The following XRCC1 variants were observed in gnomAD, a reference collection of about 807,000 sequenced individuals.
XRCC1 encodes the protein X-ray repair cross complementing 1.
In XRCC1, 52 loss-of-function variants were observed where a neutral mutation model predicts 83.3. The observed-to-expected ratio is 0.62, with a 90% CI of 0.50 to 0.79. The LOEUF (loss-of-function observed/expected upper bound fraction) is 0.79, where lower values mean the gene tolerates loss of function less well. Among genes scored for constraint, XRCC1 ranks in the 30% least tolerant of loss-of-function variants. XRCC1 has a pLI of 0.00. For missense variants in XRCC1, 793 were observed against 823.5 expected (o/e 0.96, Z 0.45); for synonymous variants, 281 against 312.6 (o/e 0.90, Z 1.07).
Position 43,561,039 on chromosome 19 carries a change from G to A in XRCC1, c.145-19C>T, listed in dbSNP as rs1213254350. 11 of 1,584,360 alleles carry A rather than the reference G, an allele frequency of 6.9e-6. No homozygotes were observed. The highest frequency in any genetic ancestry group is 9.5e-6 in the Non-Finnish European group (11 of 1,153,072). On this transcript the variant is annotated intron_variant, in intron 2 of 16. Coordinates refer to ENST00000262887, the MANE Select transcript of XRCC1 (RefSeq NM_006297.3). ...TCTCCAACTGTGGGCAGAGAGAGAG[G>A]CCACTGTCAGTGCCTGCTCTGCCTC...
chr19:43,546,708 T>C lies in XRCC1; in HGVS notation c.1313A>G (p.Lys438Arg), dbSNP rs771744315. Residue 438 changes from lysine to arginine, a missense_variant, in exon 12 of 17, where the codon AAG becomes AGG. By Grantham distance (26) the Lys-to-Arg change is conservative (BLOSUM62 2). Transcript: ENST00000262887. ...GCTGGGTCCAGCTGCCTGAGTGGGC[T>C]TGGTTTTGGTCTGGGGTTGCTAAGG... The part of the protein sequence containing the change: ...LPQKQPQTKT[K>R]PTQAAGPSSP... 5 of 1,609,362 alleles carry C rather than the reference T, an allele frequency of 3.1e-6. No homozygotes were observed. In the East Asian group the frequency reaches 8.9e-5, roughly 29 times the overall value.
chr19:43,552,796 C>A lies in XRCC1; in HGVS notation c.823+1G>T. 6.2e-7 allele frequency: 1 copy of A among 1,602,464 alleles called. No individual in the cohort carries two copies. Among genetic ancestry groups the A allele is most frequent in the Non-Finnish European group, 8.5e-7 (1 of 1,175,464 alleles). ...GGAAACAAGGGATCTAGTTAGCTCA[C>A]ATTTAGGTCTCTTGGGAACAGATGG... On this transcript the variant is annotated splice_donor_variant, in intron 8 of 16. Coordinates refer to ENST00000262887, the MANE Select transcript of XRCC1 (RefSeq NM_006297.3). LOFTEE classifies it high-confidence loss of function.
At chr19:43,544,022 G>C (rs1338468230) in intron 15 of XRCC1, 122 bp downstream of exon 15, 5 of 980,652 alleles carry the variant, frequency 5.1e-6, no homozygotes, top group Non-Finnish European at 7.6e-6. Flanking sequence ...CCACCTGCTG[G>C]GCATGGCCCT....
Position 43,553,605 on chromosome 19 carries a change from T to C in XRCC1, c.489+4A>G, listed in dbSNP as rs746971497. The C allele has an allele frequency of 3.7e-6, 6 of 1,602,300 alleles. No homozygotes were observed. Among genetic ancestry groups the C allele is most frequent in the Admixed American group, 3.4e-5 (2 of 59,622 alleles). On this transcript the variant is annotated splice_donor_region_variant and intron_variant, in intron 5 of 16. Transcript: ENST00000262887. ...GGCCATGGGGAGTGACAGGTACAGC[T>C]TACCTGGGACGGGGCCTCTGCCTCA...
chr19:43,544,839 G>GTTT (rs1972492357), intron 14 of XRCC1, among the ~76,000 whole-genome samples: 1 of 139,196 alleles, frequency 7.2e-6, no homozygotes, highest in Non-Finnish European at 1.6e-5. Flanking sequence ...TAAAGGCGGG[G>GTTT]GTCGGGGGGG....
chr19:43,563,160 G>C (rs1040857641), intron 2 of XRCC1, among the ~76,000 whole-genome samples: 1 of 152,160 alleles, frequency 6.6e-6, no homozygotes, highest in African/African-American at 2.4e-5. Flanking sequence ...CCTGGGCCCT[G>C]GGCAGTGTAC....
At chr19:43,554,968 G>T in intron 3 of XRCC1, 164 bp from the exon 4 acceptor site, 1 of 684,356 alleles carries the variant, frequency 1.5e-6, no homozygotes, top group Non-Finnish European at 2.3e-6. Flanking sequence ...TAGGCCTTGA[G>T]TCAGTCCTGC....
At chr19:43,560,871 C>G (rs781775270) in intron 3 of XRCC1, 39 bp downstream of exon 3, 9 of 1,528,450 alleles carry the variant, frequency 5.9e-6, no homozygotes, top group South Asian at 1.1e-5. Context: ...GCATGAGGGG[C>G]AGAGGTCAGT....
intron 2 of XRCC1, 71 bp from the exon 3 acceptor site, chr19:43,561,091 AATCTCCTTTGG>A: frequency 8.1e-7 from 1 of 1,236,662 alleles, no homozygotes; most frequent in South Asian, 1.2e-5. Context: ...CCTCAGGATG[AATCTCCTTTGG>A]ATCACCATGT....
In XRCC1 at chr19:43,575,106, C is replaced by G. The variant is rs1029206153; in HGVS notation, c.52-104G>C. ...GTCCTCCCAAGGCCTCTACGACCCC[C>G]AGATTTAAGCTCTCCCGTTAATCCC... On this transcript the variant is annotated intron_variant, in intron 1 of 16. Coordinates refer to ENST00000262887, the MANE Select transcript of XRCC1 (RefSeq NM_006297.3). 3 of 931,000 alleles carry G rather than the reference C, an allele frequency of 3.2e-6. No homozygotes were observed. The East Asian group carries it at 7.8e-5, about 24-fold the overall frequency. The allele number at this position is 931,000 out of a possible 1,614,324, so 57.7% of individuals were successfully genotyped here.
intron 12 of XRCC1, 53 bp downstream of exon 12, chr19:43,546,542 C>T: frequency 6.4e-7 from 1 of 1,564,408 alleles, no homozygotes; most frequent in Non-Finnish European, 8.6e-7. Context: ...GCAGGCCCTC[C>T]TCCCTCAGAC....
intron 9 of XRCC1, 25 bp from the exon 10 acceptor site, chr19:43,551,712 G>T: frequency 6.3e-7 from 1 of 1,583,304 alleles, no homozygotes; most frequent in Non-Finnish European, 8.7e-7. Context: ...AAGTGAAGAT[G>T]CCAGTTAGGT....
chr19:43,545,800 G>A lies in XRCC1; in HGVS notation c.1621+18C>T. The A allele has an allele frequency of 6.2e-7, 1 of 1,612,974 alleles. No individual in the cohort carries two copies. Among genetic ancestry groups the A allele is most frequent in the Non-Finnish European group, 8.5e-7 (1 of 1,179,360 alleles). ...GAAGAGAAAATGCCACTTCAGGAGG[G>A]ATGGGGGGATTTCCCACCTGGGAGC... On this transcript the variant is annotated intron_variant, in intron 14 of 16. Transcript: ENST00000262887.
At chr19:43,554,382 C>T (rs768839570) in intron 4 of XRCC1, among the ~76,000 whole-genome samples, 3 of 152,188 alleles carry the variant, frequency 2.0e-5, no homozygotes, top group Admixed American at 6.5e-5. Context: ...TACTAGGCCA[C>T]CTCTCTAACA....
rs567686495 is a variant in XRCC1 at position 43,574,968 on chromosome 19, G to C, written c.86C>G (p.Thr29Ser). The C allele has an allele frequency of 1.9e-6, 3 of 1,614,070 alleles. No homozygotes were observed. The highest frequency in any genetic ancestry group is 1.7e-6 in the Non-Finnish European group (2 of 1,180,038). ...CTTGGCTGCCCGCCATTTTCGGTAAGTGTCTGCCTTGAGAAGATTTTCTGC... is the reference window on the plus strand; with the variant it reads ...CTTGGCTGCCCGCCATTTTCGGTAACTGTCTGCCTTGAGAAGATTTTCTGC... Reference protein sequence around the residue: ...HCAENLLKADTYRKWRAAKAG... With the variant: ...HCAENLLKADSYRKWRAAKAG... Residue 29 changes from threonine to serine, a missense_variant, in exon 2 of 17, where the codon ACT becomes AGT. Transcript: ENST00000262887.
At chr19:43,566,952 T>C (rs965024761) in intron 2 of XRCC1, among the ~76,000 whole-genome samples, 1 of 151,096 alleles carries the variant, frequency 6.6e-6, no homozygotes, top group Non-Finnish European at 1.5e-5. Context: ...GATGAATAGA[T>C]AAACATTGTA....
intron 2 of XRCC1, among the ~76,000 whole-genome samples, chr19:43,568,667 G>C (rs779035504): frequency 4.6e-5 from 7 of 151,120 alleles, no homozygotes; most frequent in Non-Finnish European, 1.0e-4. Flanking sequence ...ATATATGCTT[G>C]TATGTGTACA....
Position 43,543,410 on chromosome 19 carries a change from C to T in XRCC1, c.1884G>A (p.Gly628=), listed in dbSNP as rs1275214192. 5 of 1,609,388 alleles carry T rather than the reference C, an allele frequency of 3.1e-6. No individual in the cohort carries two copies. The highest frequency in any genetic ancestry group is 2.2e-5 in the East Asian group (1 of 44,788). Residue 628 remains glycine (G), a synonymous_variant, in exon 17 of 17, where the codon GGG becomes GGA. Transcript: ENST00000262887. Reference sequence around the variant, plus strand: ...ACATACTTCAGGCTTGCGGCACCACCCCATAGAGCTGGTGAGGAAGTAACT... The same window carrying T: ...ACATACTTCAGGCTTGCGGCACCACTCCATAGAGCTGGTGAGGAAGTAACT... The part of the protein sequence containing the change: ...KQKLLPHQLY[G]VVPQA
intron 2 of XRCC1, among the ~76,000 whole-genome samples, chr19:43,569,651 G>A (rs1326066774): frequency 6.6e-6 from 1 of 151,758 alleles, no homozygotes; most frequent in Admixed American, 6.6e-5. Flanking sequence ...GCGTGGTGGT[G>A]CATGCCTGTA....
Sources: allele counts gnomAD v4.1 joint callset (sites outside exome capture counted in the v4.1 genomes callset), GRCh38; gene constraint gnomAD v4.1.1; transcripts MANE v1.5; gene names NCBI Gene and HGNC (gene_info 2026-07-23, HGNC 2026-07-21).